Variants in MMP16 observed in about 807,000 individuals in gnomAD.
MMP16 encodes the protein matrix metalloproteinase-16.
In MMP16, 12 loss-of-function variants were observed where a neutral mutation model predicts 67.8. That is an observed-to-expected ratio of 0.18 (90% CI 0.11 to 0.29). The LOEUF (loss-of-function observed/expected upper bound fraction) is 0.29. Ranked by LOEUF, MMP16 falls within the 10% of genes least tolerant of loss-of-function variation. MMP16 has a pLI of 1.00. For synonymous variants in MMP16, 249 were observed against 255.9 expected (o/e 0.97, Z 0.26); for missense variants, 475 against 765.7 (o/e 0.62, Z 4.48).
At chr8:88,069,403 T>C (rs1808513832) in intron 7 of MMP16, 2 of 517,926 alleles carry the variant, frequency 3.9e-6, no homozygotes, top group Non-Finnish European at 7.8e-6. Context: ...TCTTCATAGG[T>C]CTTGTGCTTT....
intron 1 of MMP16, among the ~76,000 whole-genome samples, chr8:88,225,575 C>G (rs1020025797): frequency 6.6e-6 from 1 of 151,968 alleles, no homozygotes; most frequent in African/African-American, 2.4e-5. Flanking sequence ...ACCTATTCAG[C>G]CATACATCAT....
Position 88,251,294 on chromosome 8 carries a change from G to C in MMP16, c.133-53988C>G, listed in dbSNP as rs1244987196. On this transcript the variant is annotated intron_variant, in intron 1 of 9. Transcript: ENST00000286614. ...AGCATGGTACTGGTACCAAAACAGA[G>C]ATATAGATCAATGGAACAGAACAGA... 6.6e-5 allele frequency among the ~76,000 whole-genome samples: 10 copies of C among 151,652 alleles called. No individual in the cohort carries two copies. In the East Asian group the frequency reaches 9.7e-4, roughly 15 times the overall value.
chr8:88,320,454 C>A (rs1035810892), intron 1 of MMP16, among the ~76,000 whole-genome samples: 6 of 152,090 alleles, frequency 3.9e-5, no homozygotes, highest in African/African-American at 1.4e-4. Context: ...TATTACACAC[C>A]TAAAAATAAG....
chr8:88,211,034 G>C (rs550009121), intron 1 of MMP16, among the ~76,000 whole-genome samples: 2 of 152,232 alleles, frequency 1.3e-5, no homozygotes, highest in East Asian at 3.9e-4. Context: ...AGAATGAGTA[G>C]GCAATATCTA....
chr8:88,197,391 G>A, intron 1 of MMP16, 85 bp from the exon 2 acceptor site: 1 of 1,175,562 alleles, frequency 8.5e-7, no homozygotes, highest in Non-Finnish European at 1.1e-6. Context: ...CTATAATAGA[G>A]TTTTGAACAT....
Position 88,041,395 on chromosome 8 carries a change from C to G in MMP16, c.*66G>C, listed in dbSNP as rs1808130929. 1.3e-6 allele frequency: 2 copies of G among 1,503,556 alleles called. No homozygotes were observed. The highest frequency in any genetic ancestry group is 1.8e-6 in the Non-Finnish European group (2 of 1,101,442). The allele number at this position is 1,503,556 out of a possible 1,614,324, so 93.1% of individuals were successfully genotyped here. A position where few individuals can be genotyped will look rare whatever the true frequency, so the allele number is the denominator to read the frequency against. ...TCCTAGCTAGGAAACAGCATAACAG[C>G]TCTTGTCTTGAATCTCAAGTTACCA... On this transcript the variant is annotated 3_prime_UTR_variant, in exon 10 of 10. Coordinates refer to ENST00000286614, the MANE Select transcript of MMP16 (RefSeq NM_005941.5). The surrounding 1 kb of genome is among the most constrained non-coding windows in gnomAD (Gnocchi z 6.0).
chr8:88,238,663 TAAAAAA>T (rs34127125), intron 1 of MMP16, among the ~76,000 whole-genome samples: 1 of 99,902 alleles, frequency 1.0e-5, no homozygotes, highest in Non-Finnish European at 1.9e-5. Context: ...AAGACTCTGT[TAAAAAA>T]AAAAAAAAAA....
intron 4 of MMP16, among the ~76,000 whole-genome samples, chr8:88,136,899 T>C (rs529875873): frequency 6.6e-6 from 1 of 151,914 alleles, no homozygotes; most frequent in South Asian, 2.1e-4. Flanking sequence ...CTAAAATACT[T>C]GTTCAACAGA....
chr8:88,138,930 T>C (rs1467934134), intron 4 of MMP16, among the ~76,000 whole-genome samples: 2 of 152,144 alleles, frequency 1.3e-5, no homozygotes, highest in African/African-American at 4.8e-5. Flanking sequence ...ATTTATGTTT[T>C]TCAGGTTCAC....
intron 3 of MMP16, among the ~76,000 whole-genome samples, chr8:88,182,768 C>A (rs1366075699): frequency 6.6e-6 from 1 of 152,112 alleles, no homozygotes; most frequent in Non-Finnish European, 1.5e-5. Flanking sequence ...AATGTGTATA[C>A]TGGCCTTCTT....
At chr8:88,153,243 A>G (rs1483140332) in intron 4 of MMP16, among the ~76,000 whole-genome samples, 1 of 152,080 alleles carries the variant, frequency 6.6e-6, no homozygotes, top group Non-Finnish European at 1.5e-5. Context: ...AGAACATTCC[A>G]TGCTCATGGG....
At chr8:88,243,410 T>G (rs1269835626) in intron 1 of MMP16, among the ~76,000 whole-genome samples, 1 of 152,090 alleles carries the variant, frequency 6.6e-6, no homozygotes, top group Non-Finnish European at 1.5e-5. Context: ...CAGCTCCTGG[T>G]CCCCACATCA....
intron 1 of MMP16, among the ~76,000 whole-genome samples, chr8:88,303,551 T>C (rs1811165490): frequency 6.6e-6 from 1 of 152,128 alleles, no homozygotes; most frequent in African/African-American, 2.4e-5. Context: ...CTCCTATAGG[T>C]GCAGTTTAGG....
chr8:88,302,381 C>T (rs1405089803), intron 1 of MMP16, among the ~76,000 whole-genome samples: 1 of 152,180 alleles, frequency 6.6e-6, no homozygotes, highest in Admixed American at 6.5e-5. Flanking sequence ...CTTTGTTTTT[C>T]TCAGTCACAC....
At chr8:88,146,659 T>A (rs764341249) in intron 4 of MMP16, among the ~76,000 whole-genome samples, 28 of 151,992 alleles carry the variant, frequency 1.8e-4, no homozygotes, top group Non-Finnish European at 3.4e-4. Flanking sequence ...ATTTTATATA[T>A]TCATTCTAGG....
rs1554578643 is a variant in MMP16, at chr8:88,112,666, G to GGAGTGTGTGTGTGTGTGT, written c.1083+3840_1083+3841insACACACACACACACACTC. ...AATTTTTCATGCATAAGGACAGAAG[G>GGAGTGTGTGTGTGTGTGT]GTGTGTGTGTGTGTGTGTCTGTGTG... On this transcript the variant is annotated intron_variant, in intron 6 of 9. Coordinates refer to ENST00000286614, the MANE Select transcript of MMP16 (RefSeq NM_005941.5). Among the ~76,000 whole-genome samples the GGAGTGTGTGTGTGTGTGT allele has an allele frequency of 3.5e-4, 52 of 146,904 alleles. 2 individuals are homozygous for GGAGTGTGTGTGTGTGTGT. The South Asian group carries it at 0.011, about 31-fold the overall frequency.
chr8:88,103,600 T>G (rs28906377), intron 6 of MMP16, among the ~76,000 whole-genome samples: 10,371 of 151,860 alleles, frequency 0.068, 439 homozygotes, highest in East Asian at 0.18. Context: ...CTTCAGTTGC[T>G]GAATTTCCTT....
At chr8:88,231,859 T>C (rs963837340) in intron 1 of MMP16, among the ~76,000 whole-genome samples, 1 of 152,178 alleles carries the variant, frequency 6.6e-6, no homozygotes, top group African/African-American at 2.4e-5. Context: ...ATAAATATGA[T>C]AAACAAATAT....
At chr8:88,317,962 A>G (rs1229427073) in intron 1 of MMP16, among the ~76,000 whole-genome samples, 1 of 152,174 alleles carries the variant, frequency 6.6e-6, no homozygotes, top group Non-Finnish European at 1.5e-5. Flanking sequence ...GCTTTATATT[A>G]AACTAAATAA....
Sources: gnomAD v4.1 joint callset for allele counts (sites outside exome capture counted in the v4.1 genomes callset) on GRCh38, gnomAD v4.1.1 for gene constraint, Gnocchi (gnomAD v3.1) non-coding constraint, MANE v1.5 for transcripts, NCBI Gene and HGNC (gene_info 2026-07-23, HGNC 2026-07-21) for gene names.